COLEC12: variants seen among roughly 807,000 people sequenced by gnomAD.
COLEC12 encodes the protein collectin subfamily member 12.
In COLEC12, 33 loss-of-function variants were observed where a neutral mutation model predicts 71.1. The observed-to-expected ratio is 0.46, with a 90% confidence interval of 0.35 to 0.62. The LOEUF is 0.62. COLEC12 is among the 20% of genes least tolerant of loss of function. The pLI, the probability that COLEC12 is intolerant of heterozygous loss-of-function variation, is 0.00. For synonymous variants in COLEC12, 350 were observed against 353.0 expected, an observed-to-expected ratio of 0.99 and a Z score of 0.10; for missense variants, 765 against 916.1, an observed-to-expected ratio of 0.84 and a Z score of 2.13.
At chr18:469,280 G>A (rs886538530) in intron 2 of COLEC12, among the ~76,000 whole-genome samples, 10 of 152,390 alleles carry the variant, frequency 6.6e-5, no homozygotes, top group Admixed American at 3.9e-4. Context: ...CATCTGGCAC[G>A]TAGTGCCCTC....
chr18:346,424 T>C lies in COLEC12; in HGVS notation c.1198A>G (p.Arg400Gly). ...GACCTCATCAAATCTTGTTGCATCC[T>C]GAGAGAAACAGAATCCAAACGGATG... ...ANIRLDSVSL[R>G]MQQDLMRSRL... Residue 400 changes from arginine to glycine, a missense_variant, in exon 5 of 10, where the codon AGG becomes GGG. Coordinates refer to ENST00000400256, the MANE Select transcript of COLEC12 (RefSeq NM_130386.3). This position sits in a 1 kb window ranked among gnomAD's most constrained non-coding sequence, Gnocchi z 4.0. The C allele has an allele frequency of 6.2e-7, 1 of 1,614,174 alleles. No homozygotes were observed. Among genetic ancestry groups the C allele is most frequent in the South Asian group, 1.1e-5 (1 of 91,082 alleles).
chr18:429,857 C>A (rs1196014425), intron 2 of COLEC12, among the ~76,000 whole-genome samples: 1 of 152,118 alleles, frequency 6.6e-6, no homozygotes, highest in Non-Finnish European at 1.5e-5. Context: ...CAAACTAGCG[C>A]CCCCTTTGCT....
chr18:363,093 C>T (rs949989592), intron 2 of COLEC12, among the ~76,000 whole-genome samples: 5 of 152,012 alleles, frequency 3.3e-5, no homozygotes, highest in Admixed American at 6.6e-5. Context: ...ATAATTGAAA[C>T]GCTCCAGGAA....
rs1311210267 is a variant in COLEC12, at chr18:327,455, C to A, written c.2063+4213G>T. Among the ~76,000 whole-genome samples, 3 of 152,214 alleles carry A rather than the reference C, an allele frequency of 2.0e-5. No individual in the cohort carries two copies. Among genetic ancestry groups the A allele is most frequent in the Non-Finnish European group, 4.4e-5 (3 of 68,042 alleles). On this transcript the variant is annotated intron_variant, in intron 8 of 9. Transcript: ENST00000400256. The surrounding 1 kb of genome is among the most constrained non-coding windows in gnomAD (Gnocchi z 4.0). The stretch of plus-strand genomic sequence containing the variant: ...ATCTCACGCCACCCTTTCCCCTCAG[C>A]TGGTCCTGTCCTGCTGCGGTGCAGA...
intron 5 of COLEC12, among the ~76,000 whole-genome samples, chr18:341,581 T>TG (rs2143457632): frequency 6.6e-6 from 1 of 152,350 alleles, no homozygotes; most frequent in South Asian, 2.1e-4. Flanking sequence ...TTTTATTCTT[T>TG]GTGCATATGA....
intron 2 of COLEC12, among the ~76,000 whole-genome samples, chr18:366,835 G>C (rs1415966048): frequency 6.6e-6 from 1 of 152,192 alleles, no homozygotes; most frequent in Non-Finnish European, 1.5e-5. Context: ...TGTGGGCCGG[G>C]GTATGGATGT....
chr18:418,248 G>A (rs1394330616), intron 2 of COLEC12, among the ~76,000 whole-genome samples: 2 of 152,232 alleles, frequency 1.3e-5, no homozygotes, highest in Non-Finnish European at 2.9e-5. Context: ...AAGTTTAAGA[G>A]CCACATAAAC....
rs60991743 is a variant in COLEC12 at position 340,074 on chromosome 18, C to CAAAAAAAAAA, written c.1328-4854_1328-4845dup. Among the ~76,000 whole-genome samples the CAAAAAAAAAA allele has an allele frequency of 2.5e-3, 235 of 94,076 alleles. 9 individuals carry two copies. Among genetic ancestry groups the CAAAAAAAAAA allele is most frequent in the Middle Eastern group, 0.011 (2 of 178 alleles). 61.7% of individuals were successfully genotyped at this position (94,076 alleles called of 152,430 possible). ...AGAAGCTACCCTTAGTGCCTGAAAG[C>CAAAAAAAAAA]AAAAAAAAAAAAAAAAACAAAAAGA... On this transcript the variant is annotated intron_variant, in intron 5 of 9. Coordinates refer to ENST00000400256, the MANE Select transcript of COLEC12 (RefSeq NM_130386.3).
chr18:405,198 G>A (rs139569766), intron 2 of COLEC12, among the ~76,000 whole-genome samples: 2,346 of 152,270 alleles, frequency 0.015, 71 homozygotes, highest in African/African-American at 0.054. Context: ...TACGTGCACC[G>A]CTGAACATAG....
chr18:370,758 C>T (rs1274520420), intron 2 of COLEC12, among the ~76,000 whole-genome samples: 1 of 152,184 alleles, frequency 6.6e-6, no homozygotes, highest in Non-Finnish European at 1.5e-5. Flanking sequence ...CATACCCCTT[C>T]TAAATGGTGC....
chr18:460,657 C>G (rs558260698), intron 2 of COLEC12, among the ~76,000 whole-genome samples: 1 of 152,172 alleles, frequency 6.6e-6, no homozygotes, highest in Non-Finnish European at 1.5e-5. Context: ...CAAAAAGGCA[C>G]GTGAGAAGCC....
intron 2 of COLEC12, among the ~76,000 whole-genome samples, chr18:375,275 C>A (rs1040078502): frequency 6.6e-6 from 1 of 152,204 alleles, no homozygotes; most frequent in East Asian, 1.9e-4. Flanking sequence ...GGCCTCCTCA[C>A]CAGGCCTCGA....
intron 7 of COLEC12, 103 bp downstream of exon 7, chr18:332,904 T>C (rs1914016163): frequency 1.9e-6 from 2 of 1,063,324 alleles, no homozygotes; most frequent in East Asian, 2.5e-5. Context: ...TTTACGTGAC[T>C]AGGAATTCGT....
intron 1 of COLEC12, among the ~76,000 whole-genome samples, chr18:483,302 A>G (rs1011260751): frequency 6.6e-6 from 1 of 151,736 alleles, no homozygotes; most frequent in African/African-American, 2.4e-5. Flanking sequence ...TGGGAGGCTG[A>G]GGCAGAATCA....
At chr18:422,871 T>C (rs1916125185) in intron 2 of COLEC12, among the ~76,000 whole-genome samples, 1 of 152,178 alleles carries the variant, frequency 6.6e-6, no homozygotes, top group East Asian at 1.9e-4. Flanking sequence ...GATTTTTTGT[T>C]TATATAAACT....
Position 437,483 on chromosome 18 carries a change from T to C in COLEC12, c.58+43224A>G, listed in dbSNP as rs560204611. ...TGTTTCCATAGTCTCCTTTCTATCA[T>C]AGCTCTAATGTCGGTGTTGGCTGAG... On this transcript the variant is annotated intron_variant, in intron 2 of 9. Transcript: ENST00000400256. Among the ~76,000 whole-genome samples the C allele has an allele frequency of 1.8e-4, 27 of 152,322 alleles. No homozygotes were observed. In the South Asian group the frequency reaches 5.4e-3, roughly 30 times the overall value.
At chr18:492,831 C>T (rs575745972) in intron 1 of COLEC12, among the ~76,000 whole-genome samples, 1 of 152,256 alleles carries the variant, frequency 6.6e-6, no homozygotes, top group Admixed American at 6.5e-5. Flanking sequence ...GTTGGACCAA[C>T]GTTTTGAGTT....
At chr18:451,085 C>T (rs1165561868) in intron 2 of COLEC12, among the ~76,000 whole-genome samples, 4 of 152,156 alleles carry the variant, frequency 2.6e-5, no homozygotes, top group East Asian at 1.9e-4. Context: ...TGTTCATATG[C>T]GTGAGCATAT....
intron 2 of COLEC12, among the ~76,000 whole-genome samples, chr18:396,727 T>A (rs1915579775): frequency 6.6e-6 from 1 of 152,242 alleles, no homozygotes; most frequent in South Asian, 2.1e-4. Flanking sequence ...AACTGACAAC[T>A]GAATGCAGCC....
Sources: gnomAD v4.1 joint callset for allele counts (sites outside exome capture counted in the v4.1 genomes callset) on GRCh38, gnomAD v4.1.1 for gene constraint, Gnocchi (gnomAD v3.1) non-coding constraint, MANE v1.5 for transcripts, NCBI Gene and HGNC (gene_info 2026-07-23, HGNC 2026-07-21) for gene names.